The following MGST1 variants were observed in gnomAD, a reference collection of about 807,000 sequenced individuals.
MGST1 encodes the protein glutathione S-transferase 12.
MGST1 carries 5 observed loss-of-function variants against 8.9 expected under a neutral mutation model. That is an observed-to-expected ratio of 0.56 (90% CI 0.29 to 1.19). The LOEUF is 1.19. MGST1 is among the 50% of genes most tolerant of loss of function. The probability of loss-of-function intolerance (pLI) is 0.08; values close to 1 mark genes in which losing one functional copy is unlikely to be tolerated. For missense variants in MGST1, 182 were observed against 187.4 expected, an observed-to-expected ratio of 0.97 and a Z score of 0.17; for synonymous variants, 54 against 67.8, an observed-to-expected ratio of 0.80 and a Z score of 1.00.
intron 4 of MGST1, among the ~76,000 whole-genome samples, chr12:16,474,616 T>A (rs556199676): frequency 1.3e-5 from 2 of 152,270 alleles, no homozygotes; most frequent in South Asian, 4.1e-4. Context: ...ACACACAAAT[T>A]CATATAACCT....
chr12:16,567,804 G>A (rs1942669291), intron 4 of MGST1, among the ~76,000 whole-genome samples: 1 of 151,958 alleles, frequency 6.6e-6, no homozygotes, highest in Non-Finnish European at 1.5e-5. Context: ...CCTACACTCA[G>A]GCAAAACTCC....
chr12:16,510,829 T>C (rs1377654849), intron 4 of MGST1, among the ~76,000 whole-genome samples: 1 of 152,226 alleles, frequency 6.6e-6, no homozygotes, highest in Non-Finnish European at 1.5e-5. Flanking sequence ...TATTTGGCTA[T>C]AGAATAATTT....
intron 4 of MGST1, among the ~76,000 whole-genome samples, chr12:16,469,436 G>A (rs1337261558): frequency 3.3e-5 from 5 of 152,104 alleles, no homozygotes; most frequent in Non-Finnish European, 5.9e-5. Context: ...TGATCTGCCT[G>A]CCTTGGCCTC....
At chr12:16,447,742 G>C (rs1163701476) in intron 4 of MGST1, among the ~76,000 whole-genome samples, 1 of 151,926 alleles carries the variant, frequency 6.6e-6, no homozygotes, top group Non-Finnish European at 1.5e-5. Flanking sequence ...CAAGGTCCTG[G>C]TGGAAGATTA....
At chr12:16,403,243 A>G (rs574343724) in intron 1 of MGST1, among the ~76,000 whole-genome samples, 24 of 152,102 alleles carry the variant, frequency 1.6e-4, no homozygotes, top group African/African-American at 5.3e-4. Context: ...ACTTTTTTTG[A>G]CCCATAGATC....
chr12:16,393,469 G>A (rs980034987), intron 1 of MGST1, among the ~76,000 whole-genome samples: 3 of 152,190 alleles, frequency 2.0e-5, no homozygotes, highest in African/African-American at 4.8e-5. Flanking sequence ...AGTGAGTCTG[G>A]GATCACTGCC....
chr12:16,420,424 C>T (rs182761581), intron 1 of MGST1, among the ~76,000 whole-genome samples: 87 of 152,232 alleles, frequency 5.7e-4, no homozygotes, highest in African/African-American at 2.0e-3. Flanking sequence ...CATTTGTTCA[C>T]GTGTTTTTAA....
rs59004394 is a variant in MGST1, at chr12:16,376,047, G to A, written c.222-75G>A. On this transcript the variant is annotated intron_variant, in intron 3 of 3. Coordinates refer to the MGST1 transcript ENST00000535309. Reference sequence around the variant, plus strand: ...ACAGATTTTATACATATATATAAATGTATTTTATGTGTTCACGTGTGTGTA... The same window carrying A: ...ACAGATTTTATACATATATATAAATATATTTTATGTGTTCACGTGTGTGTA... The A allele has an allele frequency of 6.9e-6, 7 of 1,016,270 alleles. No individual in the cohort carries two copies. The Admixed American group carries it at 2.0e-4, about 29-fold the overall frequency. 63.0% of individuals were successfully genotyped at this position (1,016,270 alleles called of 1,614,324 possible).
chr12:16,486,168 G>T (rs79979928), intron 4 of MGST1, among the ~76,000 whole-genome samples: 1 of 152,004 alleles, frequency 6.6e-6, no homozygotes, highest in Non-Finnish European at 1.5e-5. Flanking sequence ...CCCACACTTC[G>T]TAACTACTCT....
chr12:16,451,755 A>G (rs79437764), intron 4 of MGST1, among the ~76,000 whole-genome samples: 2 of 152,014 alleles, frequency 1.3e-5, no homozygotes, highest in Non-Finnish European at 2.9e-5. Flanking sequence ...TTCATGTAAT[A>G]TTATTGCATA....
At chr12:16,447,639 T>C (rs989175731) in intron 4 of MGST1, among the ~76,000 whole-genome samples, 4 of 151,872 alleles carry the variant, frequency 2.6e-5, no homozygotes, top group Admixed American at 6.6e-5. Flanking sequence ...CATAATAGAT[T>C]TGACATAGTT....
chr12:16,462,767 G>C (rs771067506), intron 4 of MGST1, among the ~76,000 whole-genome samples: 26 of 152,124 alleles, frequency 1.7e-4, no homozygotes, highest in Non-Finnish European at 3.7e-4. Context: ...CAAAGAAAAG[G>C]AAAGTGGTAA....
chr12:16,551,744 A>T (rs1254394484), intron 4 of MGST1, among the ~76,000 whole-genome samples: 4 of 152,068 alleles, frequency 2.6e-5, no homozygotes, highest in African/African-American at 7.2e-5. Context: ...CACTTAATAA[A>T]AAAGTAAAAG....
intron 4 of MGST1, among the ~76,000 whole-genome samples, chr12:16,566,073 G>A (rs573921998): frequency 6.3e-5 from 8 of 126,390 alleles, no homozygotes; most frequent in Middle Eastern, 5.1e-3. Flanking sequence ...AAAAAAGAAT[G>A]AAATCCTGTC....
At chr12:16,538,086 C>T (rs1320343676) in intron 4 of MGST1, among the ~76,000 whole-genome samples, 1 of 152,172 alleles carries the variant, frequency 6.6e-6, no homozygotes, top group African/African-American at 2.4e-5. Flanking sequence ...GCATCCAAGT[C>T]ACCTCTTGAA....
At chr12:16,400,773 T>C in intron 1 of MGST1, 2 of 1,258,010 alleles carry the variant, frequency 1.6e-6, no homozygotes, top group Non-Finnish European at 2.3e-6. Flanking sequence ...ATTGTGGCAA[T>C]GTGAAAAGGT....
Position 16,410,874 on chromosome 12 carries a change from A to G in MGST1, n.779-26514A>G, listed in dbSNP as rs1007173686. Among the ~76,000 whole-genome samples, 5 of 151,974 alleles carry G rather than the reference A, an allele frequency of 3.3e-5. No individual in the cohort carries two copies. Among genetic ancestry groups the G allele is most frequent in the Admixed American group, 6.6e-5 (1 of 15,224 alleles). On this transcript the variant is annotated intron_variant and non_coding_transcript_variant, in intron 1 of 1. Transcript: ENST00000359720. The surrounding 1 kb of genome is among the most constrained non-coding windows in gnomAD (Gnocchi z 4.4). ...ACTCCATTTTTTCCCAAGATGTTCCAGAATCACTATTTCTCTTGCTTTTGT... is the reference window on the plus strand; with the variant it reads ...ACTCCATTTTTTCCCAAGATGTTCCGGAATCACTATTTCTCTTGCTTTTGT...
intron 4 of MGST1, among the ~76,000 whole-genome samples, chr12:16,520,648 TCTCC>T (rs1019750294): frequency 2.6e-5 from 4 of 152,112 alleles, no homozygotes; most frequent in African/African-American, 9.7e-5. Context: ...CTGTCTCTCC[TCTCC>T]CTCCCTATCC....
intron 1 of MGST1, among the ~76,000 whole-genome samples, chr12:16,421,683 A>C (rs1054931021): frequency 6.6e-6 from 1 of 152,158 alleles, no homozygotes; most frequent in Non-Finnish European, 1.5e-5. Flanking sequence ...CCATGGACGT[A>C]TATTCACTTT....
Sources: gnomAD v4.1 joint callset for allele counts (sites outside exome capture counted in the v4.1 genomes callset) on GRCh38, gnomAD v4.1.1 for gene constraint, Gnocchi (gnomAD v3.1) non-coding constraint, MANE v1.5 for transcripts, NCBI Gene and HGNC (gene_info 2026-07-23, HGNC 2026-07-21) for gene names.